Variants in SLAIN2 observed in about 807,000 individuals in gnomAD.
The protein encoded by SLAIN2 is SLAIN family member 2.
A neutral mutation model predicts 56.6 loss-of-function variants in SLAIN2; 31 were observed. The ratio of observed to expected loss-of-function variants is 0.55; its 90% CI spans 0.41 to 0.74. SLAIN2 has a LOEUF of 0.74. Among genes scored for constraint, SLAIN2 ranks in the 30% least tolerant of loss-of-function variants. The pLI is 0.00. For missense variants in SLAIN2, 777 were observed against 754.2 expected (o/e 1.03, Z -0.35); for synonymous variants, 317 against 284.9 (o/e 1.11, Z -1.13).
chr4:48,342,414 C>A (rs1412990179), intron 1 of SLAIN2, among the ~76,000 whole-genome samples: 1 of 152,180 alleles, frequency 6.6e-6, no homozygotes, highest in Non-Finnish European at 1.5e-5. Context: ...AAGGGCTGTT[C>A]GCCTGGGGAG....
intron 1 of SLAIN2, among the ~76,000 whole-genome samples, chr4:48,353,305 A>G (rs1715060923): frequency 6.6e-6 from 1 of 152,146 alleles, no homozygotes; most frequent in African/African-American, 2.4e-5. Flanking sequence ...ATGGTCACCC[A>G]AGAAGTAATC....
At chr4:48,398,378 G>C (rs1716464941) in intron 6 of SLAIN2, among the ~76,000 whole-genome samples, 1 of 152,030 alleles carries the variant, frequency 6.6e-6, no homozygotes. Flanking sequence ...TCAGTTCCTT[G>C]TAGACTCTGG....
At chr4:48,414,550 A>ATT (rs36222817) in intron 6 of SLAIN2, among the ~76,000 whole-genome samples, 13 of 136,962 alleles carry the variant, frequency 9.5e-5, no homozygotes, top group Admixed American at 2.9e-4. Context: ...TTGGTGTGGT[A>ATT]TTTTTTTTTT....
At chr4:48,397,982 A>G (rs1303718823) in intron 6 of SLAIN2, among the ~76,000 whole-genome samples, 1 of 152,174 alleles carries the variant, frequency 6.6e-6, no homozygotes, top group Non-Finnish European at 1.5e-5. Flanking sequence ...GCGTGCATAC[A>G]TCTTTATAAT....
rs552067926 is a variant in SLAIN2 at position 48,373,845 on chromosome 4, A to G, written c.538+3848A>G. Among the ~76,000 whole-genome samples, 37 of 152,286 alleles carry G rather than the reference A, an allele frequency of 2.4e-4. No individual in the cohort carries two copies. In the South Asian group the frequency reaches 4.1e-3, roughly 17 times the overall value. ...CACCTGAGGTTGGGAGTTCGAGACCAGCCTGACCAACATGGAGAAACCCTG... is the reference window on the plus strand; with the variant it reads ...CACCTGAGGTTGGGAGTTCGAGACCGGCCTGACCAACATGGAGAAACCCTG... On this transcript the variant is annotated intron_variant, in intron 2 of 7. Coordinates refer to ENST00000264313, the MANE Select transcript of SLAIN2 (RefSeq NM_020846.2).
At chr4:48,374,623 A>G (rs1715755433) in intron 2 of SLAIN2, among the ~76,000 whole-genome samples, 1 of 152,156 alleles carries the variant, frequency 6.6e-6, no homozygotes, top group Non-Finnish European at 1.5e-5. Flanking sequence ...GACAGGAAGG[A>G]CGTCATCAAT....
chr4:48,405,690 A>G (rs1266540388), intron 6 of SLAIN2, among the ~76,000 whole-genome samples: 1 of 152,000 alleles, frequency 6.6e-6, no homozygotes, highest in African/African-American at 2.4e-5. Context: ...TGATGTTAGC[A>G]GTCATTGATG....
intron 1 of SLAIN2, among the ~76,000 whole-genome samples, chr4:48,344,337 T>G (rs1714805279): frequency 6.6e-6 from 1 of 152,242 alleles, no homozygotes; most frequent in Non-Finnish European, 1.5e-5. Flanking sequence ...TATTTTTTCC[T>G]TTCTTAGCAA....
At chr4:48,363,547 G>A (rs1195764860) in intron 1 of SLAIN2, among the ~76,000 whole-genome samples, 1 of 87,598 alleles carries the variant, frequency 1.1e-5, no homozygotes, top group Non-Finnish European at 2.6e-5. Context: ...CCTCCCAGAC[G>A]GGGCGGCTGG....
intron 1 of SLAIN2, among the ~76,000 whole-genome samples, chr4:48,368,696 T>A (rs1715590105): frequency 6.6e-6 from 1 of 152,232 alleles, no homozygotes; most frequent in Admixed American, 6.5e-5. Context: ...TCATTTTGAA[T>A]TGATAGTTAT....
Position 48,422,418 on chromosome 4 carries a change from A to G in SLAIN2, c.*341A>G, listed in dbSNP as rs145773724. ...AGAGAAATGCCCATTTGTAAATGAG[A>G]AAAATGCCCATTTGTGCACAAGAAA... On this transcript the variant is annotated 3_prime_UTR_variant, in exon 8 of 8. Transcript: ENST00000264313. 4 of 205,472 alleles carry G rather than the reference A, an allele frequency of 1.9e-5. No homozygotes were observed. The East Asian group carries it at 4.7e-4, about 24-fold the overall frequency. 12.7% of individuals were successfully genotyped at this position (205,472 alleles called of 1,614,324 possible). A position where few individuals can be genotyped will look rare whatever the true frequency, so the allele number is the denominator to read the frequency against.
chr4:48,401,566 A>G (rs1247068675), intron 6 of SLAIN2, among the ~76,000 whole-genome samples: 2 of 152,124 alleles, frequency 1.3e-5, no homozygotes, highest in Admixed American at 6.5e-5. Flanking sequence ...TTGTTGGTTT[A>G]AAGTCTGTTT....
At chr4:48,404,666 A>G (rs761171564) in intron 6 of SLAIN2, among the ~76,000 whole-genome samples, 2 of 152,240 alleles carry the variant, frequency 1.3e-5, no homozygotes, top group African/African-American at 2.4e-5. Context: ...GAATGATAAC[A>G]TTATAGGGTT....
chr4:48,406,508 G>A (rs1396546765), intron 6 of SLAIN2, among the ~76,000 whole-genome samples: 3 of 143,284 alleles, frequency 2.1e-5, no homozygotes, highest in Admixed American at 1.4e-4. Flanking sequence ...TACAACTTTT[G>A]GTTATGCTCT....
intron 6 of SLAIN2, among the ~76,000 whole-genome samples, chr4:48,399,101 C>A (rs1337589562): frequency 1.7e-4 from 26 of 152,054 alleles, no homozygotes; most frequent in Admixed American, 1.6e-3. Context: ...TGGCCATTTT[C>A]ATGATATTAT....
intron 6 of SLAIN2, among the ~76,000 whole-genome samples, chr4:48,419,245 A>G (rs909288766): frequency 1.3e-5 from 2 of 151,936 alleles, no homozygotes. Flanking sequence ...TGGGACTACA[A>G]GCATGCACCA....
rs920313785 is a variant in SLAIN2, at chr4:48,424,071, T to A, written c.*1994T>A. On this transcript the variant is annotated 3_prime_UTR_variant, in exon 8 of 8. Transcript: ENST00000264313. ...AACATATTACATTTTTTAAGTTAGA[T>A]AATCAGTTTCAAAAGGAGTATTCAG... The A allele has an allele frequency of 5.9e-5, 9 of 152,184 alleles. No individual in the cohort carries two copies. Among genetic ancestry groups the A allele is most frequent in the African/African-American group, 2.2e-4 (9 of 41,460 alleles). 9.4% of individuals were successfully genotyped at this position (152,184 alleles called of 1,614,324 possible). A position where few individuals can be genotyped will look rare whatever the true frequency, so the allele number is the denominator to read the frequency against.
At chr4:48,407,355 C>A (rs532803067) in intron 6 of SLAIN2, among the ~76,000 whole-genome samples, 6 of 152,148 alleles carry the variant, frequency 3.9e-5, no homozygotes, top group Non-Finnish European at 8.8e-5. Flanking sequence ...CCGATTTATG[C>A]TATTCTTTCG....
Position 48,386,074 on chromosome 4 carries a change from C to T in SLAIN2, c.1360+2290C>T, listed in dbSNP as rs528592407. Among the ~76,000 whole-genome samples the T allele has an allele frequency of 5.6e-5, 8 of 142,552 alleles. No individual in the cohort carries two copies. The East Asian group carries it at 1.4e-3, about 25-fold the overall frequency. The allele number at this position is 142,552 out of a possible 152,430, so 93.5% of individuals were successfully genotyped here. A position where few individuals can be genotyped will look rare whatever the true frequency, so the allele number is the denominator to read the frequency against. On this transcript the variant is annotated intron_variant, in intron 6 of 7. Coordinates refer to ENST00000264313, the MANE Select transcript of SLAIN2 (RefSeq NM_020846.2). Reference sequence around the variant, plus strand: ...TGTGAGCCATGATCATGCTGCTGCACTCCAGTCTATTGAAAGAAAAAAAAA... The same window carrying T: ...TGTGAGCCATGATCATGCTGCTGCATTCCAGTCTATTGAAAGAAAAAAAAA...
Sources: gnomAD v4.1 joint callset for allele counts (sites outside exome capture counted in the v4.1 genomes callset) on GRCh38, gnomAD v4.1.1 for gene constraint, MANE v1.5 for transcripts, NCBI Gene and HGNC (gene_info 2026-07-23, HGNC 2026-07-21) for gene names.